The following RNF180 variants were observed in gnomAD, a reference collection of about 807,000 sequenced individuals.
RNF180 encodes E3 ubiquitin-protein ligase RNF180.
Under a neutral mutation model 59.2 loss-of-function variants are expected in RNF180, and 38 were observed. The ratio of observed to expected loss-of-function variants is 0.64; its 90% CI spans 0.50 to 0.84. The LOEUF (loss-of-function observed/expected upper bound fraction) is 0.84, where lower values mean the gene tolerates loss of function less well. RNF180 is among the 40% of genes least tolerant of loss of function. The pLI, the probability that RNF180 is intolerant of heterozygous loss-of-function variation, is 0.00. For synonymous variants in RNF180, 262 were observed against 240.3 expected, an observed-to-expected ratio of 1.09 and a Z score of -0.84; for missense variants, 705 against 700.9, an observed-to-expected ratio of 1.01 and a Z score of -0.07.
chr5:64,210,870 G>A (rs2112103158), intron 2 of RNF180, among the ~76,000 whole-genome samples: 1 of 152,282 alleles, frequency 6.6e-6, no homozygotes, highest in East Asian at 1.9e-4. Flanking sequence ...TTGCAGCAGA[G>A]AAAGAATGTC....
intron 7 of RNF180, among the ~76,000 whole-genome samples, chr5:64,350,082 T>A (rs1347061778): frequency 6.6e-6 from 1 of 152,134 alleles, no homozygotes; most frequent in African/African-American, 2.4e-5. Flanking sequence ...AACCTGTTGT[T>A]TCCTGACTTT....
At chr5:64,308,291 C>T (rs1432040203) in intron 5 of RNF180, among the ~76,000 whole-genome samples, 2 of 151,654 alleles carry the variant, frequency 1.3e-5, no homozygotes, top group Admixed American at 6.6e-5. Context: ...TGTAATCATT[C>T]GTTGACATGC....
chr5:64,359,440 G>A (rs2112601162), intron 7 of RNF180, among the ~76,000 whole-genome samples: 1 of 152,212 alleles, frequency 6.6e-6, no homozygotes, highest in African/African-American at 2.4e-5. Flanking sequence ...CTTCCTTTGA[G>A]AAGTGTCTGT....
At chr5:64,360,041 TGTA>T (rs1254939502) in intron 7 of RNF180, among the ~76,000 whole-genome samples, 1 of 152,028 alleles carries the variant, frequency 6.6e-6, no homozygotes, top group Non-Finnish European at 1.5e-5. Context: ...TACTTAGCCT[TGTA>T]GTAAAGTTTG....
At chr5:64,298,255 G>A (rs1471338036) in intron 5 of RNF180, among the ~76,000 whole-genome samples, 1 of 151,930 alleles carries the variant, frequency 6.6e-6, no homozygotes, top group East Asian at 1.9e-4. Flanking sequence ...TCTTTATCCA[G>A]TCTATCATTT....
At chr5:64,322,880 G>A (rs566789334) in intron 5 of RNF180, among the ~76,000 whole-genome samples, 1 of 152,164 alleles carries the variant, frequency 6.6e-6, no homozygotes, top group East Asian at 1.9e-4. Context: ...TGGGTTCAGT[G>A]TATACTGCTC....
intron 1 of RNF180, among the ~76,000 whole-genome samples, chr5:64,169,937 G>A (rs1023002614): frequency 1.3e-5 from 2 of 152,212 alleles, no homozygotes; most frequent in Non-Finnish European, 2.9e-5. Flanking sequence ...GATCCAAAAG[G>A]GTTAATGCCT....
intron 5 of RNF180, among the ~76,000 whole-genome samples, chr5:64,293,783 T>C (rs1221304976): frequency 6.6e-6 from 1 of 152,184 alleles, no homozygotes; most frequent in East Asian, 1.9e-4. Context: ...GCACTGTTTC[T>C]TTTGCCAGAA....
intron 1 of RNF180, among the ~76,000 whole-genome samples, chr5:64,178,828 T>C (rs777479516): frequency 6.6e-6 from 1 of 152,192 alleles, no homozygotes; most frequent in East Asian, 1.9e-4. Context: ...TCAGCGTTGC[T>C]CATTTTTCTT....
intron 5 of RNF180, among the ~76,000 whole-genome samples, chr5:64,281,664 AATT>A (rs1742016583): frequency 2.0e-5 from 3 of 151,924 alleles, no homozygotes; most frequent in Non-Finnish European, 4.4e-5. Context: ...ATGCCTGGCT[AATT>A]TTGTATTTTC....
At position 64,330,891 on chromosome 5, in the gene RNF180, C is replaced by T. The variant is rs1198530458; in HGVS notation, c.1579+485C>T. ...GCCTACCCAGGCAAAGTTGCAGCCA[C>T]CCAGCCATGGCTTCGGACCGAGACA... On this transcript the variant is annotated intron_variant, in intron 7 of 7. Transcript: ENST00000389100. Among the ~76,000 whole-genome samples, 5 of 152,246 alleles carry T rather than the reference C, an allele frequency of 3.3e-5. No homozygotes were observed. The East Asian group carries it at 9.6e-4, about 29-fold the overall frequency.
intron 5 of RNF180, among the ~76,000 whole-genome samples, chr5:64,252,544 A>C (rs1429295918): frequency 1.3e-5 from 2 of 152,150 alleles, no homozygotes; most frequent in Non-Finnish European, 2.9e-5. Flanking sequence ...CATAGGGAAT[A>C]CATACAAGGT....
intron 7 of RNF180, among the ~76,000 whole-genome samples, chr5:64,339,597 T>C (rs2112560495): frequency 6.6e-6 from 1 of 152,256 alleles, no homozygotes; most frequent in Middle Eastern, 3.4e-3. Flanking sequence ...CAGCTTGGTT[T>C]TCATGGTTGG....
chr5:64,171,757 C>A (rs1284600571), intron 1 of RNF180, among the ~76,000 whole-genome samples: 5 of 152,176 alleles, frequency 3.3e-5, no homozygotes, highest in Admixed American at 3.3e-4. Context: ...CTGTCTTGGC[C>A]TTCCCAGAAC....
At chr5:64,258,143 G>A (rs1298724023) in intron 5 of RNF180, among the ~76,000 whole-genome samples, 2 of 152,170 alleles carry the variant, frequency 1.3e-5, no homozygotes, top group African/African-American at 4.8e-5. Context: ...AAAGGAGAGT[G>A]TATGGCCTTC....
chr5:64,187,371 A>G (rs906657452), intron 1 of RNF180, among the ~76,000 whole-genome samples: 4 of 152,174 alleles, frequency 2.6e-5, no homozygotes, highest in African/African-American at 9.6e-5. Context: ...AGAAAAGTAG[A>G]AATAAGGAAG....
chr5:64,204,107 G>A (rs1173219258), intron 2 of RNF180, among the ~76,000 whole-genome samples: 2 of 152,108 alleles, frequency 1.3e-5, no homozygotes, highest in African/African-American at 4.8e-5. Flanking sequence ...TTTTTACTCA[G>A]TATCACCATG....
In RNF180 at chr5:64,349,407, TTTC is replaced by T. The variant is rs537527487; in HGVS notation, c.1579+19004_1579+19006del. Among the ~76,000 whole-genome samples, 904 of 131,364 alleles carry T rather than the reference TTTC, an allele frequency of 6.9e-3. 8 individuals carry two copies. The highest frequency in any genetic ancestry group is 5.0e-3 in the Non-Finnish European group (310 of 62,352). 86.2% of individuals were successfully genotyped at this position (131,364 alleles called of 152,430 possible). A position where few individuals can be genotyped will look rare whatever the true frequency, so the allele number is the denominator to read the frequency against. On this transcript the variant is annotated intron_variant, in intron 7 of 7. Transcript: ENST00000389100. ...AATAAGTTATGACAGGCTAGTCTTC[TTTC>T]TTTTTTTTTTTTGAGTTTCTATTAC...
chr5:64,175,805 A>G (rs113675741), intron 1 of RNF180, among the ~76,000 whole-genome samples: 16 of 152,268 alleles, frequency 1.1e-4, no homozygotes, highest in African/African-American at 3.4e-4. Context: ...AATTTTTACA[A>G]TAGAGATCTT....
Sources: allele counts gnomAD v4.1 joint callset (sites outside exome capture counted in the v4.1 genomes callset), GRCh38; gene constraint gnomAD v4.1.1; transcripts MANE v1.5; gene names NCBI Gene and HGNC (gene_info 2026-07-23, HGNC 2026-07-21).